Variants in IQGAP3 observed in about 807,000 individuals in gnomAD.
The protein encoded by IQGAP3 is IQ motif containing GTPase activating protein 3, also known as ras GTPase-activating-like protein IQGAP3.
Under a neutral mutation model 208.2 loss-of-function variants are expected in IQGAP3, and 165 were observed. That is an observed-to-expected ratio of 0.79 (90% confidence interval 0.70 to 0.90). The LOEUF is 0.90. Ranked by LOEUF, IQGAP3 falls within the 40% of genes least tolerant of loss-of-function variation. IQGAP3 has a pLI of 0.00. For missense variants in IQGAP3, 1,811 were observed against 2,043.1 expected, an observed-to-expected ratio of 0.89 and a Z score of 2.19; for synonymous variants, 703 against 803.6, an observed-to-expected ratio of 0.87 and a Z score of 2.12.
chr1:156,530,246 T>A lies in IQGAP3; in HGVS notation c.4263A>T (p.Arg1421=). 6.2e-7 allele frequency: 1 copy of A among 1,613,024 alleles called. No homozygotes were observed. The highest frequency in any genetic ancestry group is 8.5e-7 in the Non-Finnish European group (1 of 1,179,952). Residue 1421 remains arginine, a synonymous_variant, in exon 34 of 38, where the codon CGA becomes CGT. Coordinates refer to ENST00000361170, the MANE Select transcript of IQGAP3 (RefSeq NM_178229.5). The part of the protein sequence containing the change: ...CTAQTPEPLR[R]HRSLTAHSLL... ...GGGAGTGAGCTGTCAGTGAGCGGTG[T>A]CGTCGCAGTGGCTCCGGTGTCTGGG...
At chr1:156,533,937 G>C in intron 30 of IQGAP3, 62 bp from the exon 31 acceptor site, 1 of 1,605,882 alleles carries the variant, frequency 6.2e-7, no homozygotes, top group Non-Finnish European at 8.5e-7. Context: ...TCTGGGGCCA[G>C]CCCACTACCC....
intron 34 of IQGAP3, 86 bp from the exon 35 acceptor site, chr1:156,529,168 C>CT: frequency 8.9e-6 from 12 of 1,344,004 alleles, no homozygotes; most frequent in Non-Finnish European, 1.2e-5. Flanking sequence ...GAGCTACACA[C>CT]TGTGAGGCTC....
chr1:156,525,523 TG>T lies in IQGAP3; in HGVS notation c.*962del, dbSNP rs1673998897. 1 of 152,436 alleles carries T rather than the reference TG, an allele frequency of 6.6e-6. No homozygotes were observed. Among genetic ancestry groups the T allele is most frequent in the East Asian group, 1.9e-4 (1 of 5,194 alleles). The allele number at this position is 152,436 out of a possible 1,614,324, so 9.4% of individuals were successfully genotyped here. ...GGACTGCAGATCTATGGAAATTGCCTGGAAGAGTCAGCTGTAAGGGATGAGA... is the reference window on the plus strand; with the variant it reads ...GGACTGCAGATCTATGGAAATTGCCTGAAGAGTCAGCTGTAAGGGATGAGA... On this transcript the variant is annotated 3_prime_UTR_variant, in exon 38 of 38. Coordinates refer to ENST00000361170, the MANE Select transcript of IQGAP3 (RefSeq NM_178229.5).
At position 156,561,940 on chromosome 1, in the gene IQGAP3, G is replaced by A. The variant is rs763816200; in HGVS notation, c.939C>T (p.Leu313=). ...ALERQSPEAL[L]KALQDPALAL... Reference sequence around the variant, plus strand: ...CCAGGGCAGGGTCTTGAAGGGCCTTGAGCAAGGCTTCAGGGCTCTGTCTTT... The same window carrying A: ...CCAGGGCAGGGTCTTGAAGGGCCTTAAGCAAGGCTTCAGGGCTCTGTCTTT... The change falls in exon 10 of 38, where the codon CTC becomes CTT. Residue 313 remains leucine (L), a synonymous_variant. Transcript: ENST00000361170. The A allele has an allele frequency of 3.7e-6, 6 of 1,613,992 alleles. No homozygotes were observed. The highest frequency in any genetic ancestry group is 5.1e-6 in the Non-Finnish European group (6 of 1,179,980).
chr1:156,529,191 G>A (rs1010489280), intron 34 of IQGAP3, 109 bp from the exon 35 acceptor site: 105 of 1,168,672 alleles, frequency 9.0e-5, no homozygotes, highest in Non-Finnish European at 1.2e-4. Flanking sequence ...CGGAAGAACA[G>A]GCTTCAAGGC....
intron 2 of IQGAP3, among the ~76,000 whole-genome samples, chr1:156,567,796 T>G (rs2102447956): frequency 6.6e-6 from 1 of 152,352 alleles, no homozygotes; most frequent in Middle Eastern, 3.4e-3. Flanking sequence ...ACAGATTGAC[T>G]TTTAGAGTAA....
chr1:156,570,063 A>G (rs761341854), intron 1 of IQGAP3, among the ~76,000 whole-genome samples: 18 of 152,060 alleles, frequency 1.2e-4, no homozygotes, highest in Non-Finnish European at 2.5e-4. Flanking sequence ...CTTGAAACTT[A>G]ACTCCTTTTC....
At chr1:156,528,188 C>T (rs1674198144) in intron 36 of IQGAP3, 128 bp from the exon 37 acceptor site, 1 of 693,816 alleles carries the variant, frequency 1.4e-6, no homozygotes, top group Non-Finnish European at 2.5e-6. Flanking sequence ...TCTGTCACTC[C>T]CAGAGGGCCC....
rs114354620 is a variant in IQGAP3, at chr1:156,552,793, G to A, written c.1449-698C>T. On this transcript the variant is annotated intron_variant, in intron 13 of 37. Coordinates refer to ENST00000361170, the MANE Select transcript of IQGAP3 (RefSeq NM_178229.5). ...AAGATCCCATTAAGTAGATCAGATC[G>A]CTGGGCACGGTGGCTCATGCCTGTA... Among the ~76,000 whole-genome samples the A allele has an allele frequency of 3.9e-3, 598 of 152,334 alleles. 3 individuals are homozygous for A. Among genetic ancestry groups the A allele is most frequent in the African/African-American group, 0.014 (571 of 41,564 alleles).
At chr1:156,544,534 T>C in intron 19 of IQGAP3, 62 bp from the exon 20 acceptor site, 1 of 1,417,710 alleles carries the variant, frequency 7.1e-7, no homozygotes, top group Non-Finnish European at 1.0e-6. Flanking sequence ...GAAAGGCTTT[T>C]AAGAAAATCT....
chr1:156,554,153 G>A, intron 13 of IQGAP3, 82 bp downstream of exon 13: 2 of 1,470,256 alleles, frequency 1.4e-6, no homozygotes, highest in Non-Finnish European at 1.8e-6. Flanking sequence ...CGTACACAAG[G>A]CAAGTCTCCA....
chr1:156,571,713 C>T (rs1676654752), intron 1 of IQGAP3, among the ~76,000 whole-genome samples: 1 of 152,210 alleles, frequency 6.6e-6, no homozygotes, highest in Non-Finnish European at 1.5e-5. Context: ...CTGTCCTTCT[C>T]AGGTCTGGAA....
intron 3 of IQGAP3, 101 bp from the exon 4 acceptor site, chr1:156,566,205 G>T: frequency 7.8e-7 from 1 of 1,276,842 alleles, no homozygotes; most frequent in South Asian, 1.2e-5. Context: ...GATGGGCAGA[G>T]GGGAACCAGA....
Position 156,550,331 on chromosome 1 carries a change from A to G in IQGAP3, c.1755T>C (p.Ala585=). The part of the protein sequence containing the change: ...QKAQVTGDPG[A]VLWLEEIRQG... Reference sequence around the variant, plus strand: ...GGCGGATCTCCTCAAGCCACAGCACAGCTCCAGGATCCCCTGTCACCTGGC... The same window carrying G: ...GGCGGATCTCCTCAAGCCACAGCACGGCTCCAGGATCCCCTGTCACCTGGC... Residue 585 remains alanine, a synonymous_variant, in exon 16 of 38, where the codon GCT becomes GCC. Transcript: ENST00000361170. The G allele has an allele frequency of 6.2e-7, 1 of 1,613,876 alleles. No homozygotes were observed. Among genetic ancestry groups the G allele is most frequent in the Non-Finnish European group, 8.5e-7 (1 of 1,179,810 alleles).
At chr1:156,563,055 C>T in intron 8 of IQGAP3, 79 bp downstream of exon 8, 2 of 1,256,166 alleles carry the variant, frequency 1.6e-6, no homozygotes, top group Non-Finnish European at 1.1e-6. Context: ...AGAGACATGA[C>T]AGATAGGAGT....
chr1:156,562,776 A>G (rs1313242879), intron 8 of IQGAP3, 111 bp from the exon 9 acceptor site: 2 of 968,164 alleles, frequency 2.1e-6, no homozygotes, highest in Middle Eastern at 2.1e-4. Flanking sequence ...TCCCAAGGCC[A>G]AAGTTCAGTC....
chr1:156,548,810 G>A, intron 16 of IQGAP3, 62 bp from the exon 17 acceptor site: 1 of 1,468,966 alleles, frequency 6.8e-7, no homozygotes, highest in Non-Finnish European at 9.0e-7. Context: ...ATGGGCCTTG[G>A]CCAGTCCACT....
At chr1:156,529,848 G>A (rs192875516) in intron 34 of IQGAP3, among the ~76,000 whole-genome samples, 27 of 145,618 alleles carry the variant, frequency 1.9e-4, no homozygotes, top group Non-Finnish European at 3.7e-4. Flanking sequence ...TTGAACCCAG[G>A]AGGTGAAGGT....
In IQGAP3 at chr1:156,563,083, C is replaced by G. The variant is rs146326874; in HGVS notation, c.798+51G>C. On this transcript the variant is annotated intron_variant, in intron 8 of 37. Coordinates refer to ENST00000361170, the MANE Select transcript of IQGAP3 (RefSeq NM_178229.5). ...ATAGGAGTCCCGGTTTCACTTGAGA[C>G]TTTCCAGCCACTCAACTTTTCGGTC... The G allele has an allele frequency of 2.1e-4, 319 of 1,489,256 alleles. No individual in the cohort carries two copies. The African/African-American group carries it at 4.0e-3, about 18-fold the overall frequency. 92.3% of individuals were successfully genotyped at this position (1,489,256 alleles called of 1,614,324 possible). A position where few individuals can be genotyped will look rare whatever the true frequency, so the allele number is the denominator to read the frequency against.
Sources: allele counts gnomAD v4.1 joint callset (sites outside exome capture counted in the v4.1 genomes callset), GRCh38; gene constraint gnomAD v4.1.1; transcripts MANE v1.5; gene names NCBI Gene and HGNC (gene_info 2026-07-23, HGNC 2026-07-21).